DHTKD1: variants seen among roughly 807,000 people sequenced by gnomAD.
DHTKD1 encodes 2-oxoadipate dehydrogenase complex component E1.
Under a neutral mutation model 101.8 loss-of-function variants are expected in DHTKD1, and 78 were observed. That is an observed-to-expected ratio of 0.77 (90% CI 0.64 to 0.93). DHTKD1 has a LOEUF of 0.93. Ranked by LOEUF, DHTKD1 falls within the 40% of genes least tolerant of loss-of-function variation. The probability of loss-of-function intolerance (pLI) is 0.00; values close to 1 mark genes in which losing one functional copy is unlikely to be tolerated. For missense variants in DHTKD1, 1,223 were observed against 1,161.7 expected (o/e 1.05, Z -0.77); for synonymous variants, 462 against 450.3 (o/e 1.03, Z -0.33).
intron 1 of DHTKD1, among the ~76,000 whole-genome samples, chr10:12,074,840 C>T (rs184807552): frequency 2.0e-4 from 30 of 152,102 alleles, no homozygotes; most frequent in Middle Eastern, 3.4e-3. Flanking sequence ...CAGGGCAATC[C>T]CCATTCCCAT....
At chr10:12,117,304 C>CTTTTTTT (rs71382683) in intron 13 of DHTKD1, among the ~76,000 whole-genome samples, 1 of 71,574 alleles carries the variant, frequency 1.4e-5, no homozygotes, top group Non-Finnish European at 2.6e-5. Context: ...GCCACGGCAC[C>CTTTTTTT]TTTTTTTTTT....
At chr10:12,100,029 C>A (rs1157046940) in intron 8 of DHTKD1, 149 bp from the exon 9 acceptor site, 3 of 485,340 alleles carry the variant, frequency 6.2e-6, no homozygotes, top group Non-Finnish European at 1.1e-5. Context: ...CTCCTTACCT[C>A]AAGTGATCCA....
At chr10:12,095,309 A>G (rs990775600) in intron 7 of DHTKD1, among the ~76,000 whole-genome samples, 6 of 152,364 alleles carry the variant, frequency 3.9e-5, no homozygotes, top group African/African-American at 1.4e-4. Context: ...TGTAAAATAT[A>G]AACCCAAAAT....
At chr10:12,082,633 C>T (rs866106392) in intron 2 of DHTKD1, among the ~76,000 whole-genome samples, 15 of 144,928 alleles carry the variant, frequency 1.0e-4, no homozygotes, top group African/African-American at 1.8e-4. Context: ...TTTTTTGAGA[C>T]GGGCCTCCAA....
chr10:12,099,812 T>C (rs1254512619), intron 8 of DHTKD1, among the ~76,000 whole-genome samples: 1 of 104,844 alleles, frequency 9.5e-6, no homozygotes, highest in African/African-American at 3.0e-5. Flanking sequence ...TTTTTTTTTT[T>C]TTGAGATCAA....
At chr10:12,072,657 C>A (rs1832668917) in intron 1 of DHTKD1, among the ~76,000 whole-genome samples, 1 of 151,656 alleles carries the variant, frequency 6.6e-6, no homozygotes, top group African/African-American at 2.4e-5. Flanking sequence ...CCTTGATTTC[C>A]AAGGAAACTT....
rs1833315980 is a variant in DHTKD1 at position 12,110,649 on chromosome 10, G to A, written c.2155-2251G>A. The stretch of plus-strand genomic sequence containing the variant: ...TCACATACTCACCATTTTTGGGGAA[G>A]AGAACATTTAAAATCTATCCTCTTA... On this transcript the variant is annotated intron_variant, in intron 12 of 16. Coordinates refer to ENST00000263035, the MANE Select transcript of DHTKD1 (RefSeq NM_018706.7). This position sits in a 1 kb window ranked among gnomAD's most constrained non-coding sequence, Gnocchi z 4.9. Among the ~76,000 whole-genome samples, 1 of 152,118 alleles carries A rather than the reference G, an allele frequency of 6.6e-6. No homozygotes were observed. The highest frequency in any genetic ancestry group is 6.6e-5 in the Admixed American group (1 of 15,242).
Position 12,110,452 on chromosome 10 carries a change from A to G in DHTKD1, c.2154+2437A>G, listed in dbSNP as rs1833313733. 6.6e-6 allele frequency among the ~76,000 whole-genome samples: 1 copy of G among 152,170 alleles called. No homozygotes were observed. The highest frequency in any genetic ancestry group is 1.5e-5 in the Non-Finnish European group (1 of 68,034). The stretch of plus-strand genomic sequence containing the variant: ...TCTTCCGGTGTGGCTCAGGTAAGCC[A>G]AAAGATCGGACACCCCTGATTCCTG... On this transcript the variant is annotated intron_variant, in intron 12 of 16. Transcript: ENST00000263035. This position sits in a 1 kb window ranked among gnomAD's most constrained non-coding sequence, Gnocchi z 4.9.
chr10:12,120,084 C>A, intron 15 of DHTKD1, 98 bp from the exon 16 acceptor site: 1 of 877,092 alleles, frequency 1.1e-6, no homozygotes, highest in Non-Finnish European at 1.9e-6. Context: ...TTCACACCAT[C>A]GTAAAGTTGA....
At chr10:12,111,456 G>A (rs1460978520) in intron 12 of DHTKD1, among the ~76,000 whole-genome samples, 1 of 152,246 alleles carries the variant, frequency 6.6e-6, no homozygotes, top group Non-Finnish European at 1.5e-5. Context: ...ATGGGCCACC[G>A]CGCCAGGCCT....
chr10:12,117,292 G>A (rs1397325321), intron 13 of DHTKD1, among the ~76,000 whole-genome samples: 1 of 143,000 alleles, frequency 7.0e-6, no homozygotes, highest in Non-Finnish European at 1.5e-5. Context: ...TTACAGGCAT[G>A]AGCCACGGCA....
Position 12,081,570 on chromosome 10 carries a change from A to G in DHTKD1, c.253A>G (p.Asn85Asp), listed in dbSNP as rs1314308318. 6.2e-7 allele frequency: 1 copy of G among 1,614,148 alleles called. No individual in the cohort carries two copies. Among genetic ancestry groups the G allele is most frequent in the African/African-American group, 1.3e-5 (1 of 75,040 alleles). The change falls in exon 2 of 17, where the codon AAT becomes GAT. Residue 85 changes from asparagine (N) to aspartate (D), a missense_variant. Physicochemically the swap from Asn to Asp is conservative, Grantham distance 23. Transcript: ENST00000263035. ...PLFTGQALLENVPEIQALVQT... is the reference protein window; with the variant it reads ...PLFTGQALLEDVPEIQALVQT... ...CTTCACCGGACAAGCCCTGCTGGAG[A>G]ATGTGCCTGAAATCCAAGCCCTGGT...
At chr10:12,080,299 CAAAAAAAA>C (rs11359134) in intron 1 of DHTKD1, among the ~76,000 whole-genome samples, 1 of 87,688 alleles carries the variant, frequency 1.1e-5, no homozygotes, top group Non-Finnish European at 2.2e-5. Flanking sequence ...GACTCCGTCT[CAAAAAAAA>C]AAAAAAAAAA....
chr10:12,090,944 C>T (rs1832980957), intron 5 of DHTKD1, among the ~76,000 whole-genome samples: 1 of 152,140 alleles, frequency 6.6e-6, no homozygotes, highest in Non-Finnish European at 1.5e-5. Flanking sequence ...GTCCCAGCTA[C>T]TCGGGAGGCT....
Position 12,118,792 on chromosome 10 carries a change from C to G in DHTKD1, c.2446C>G (p.Leu816Val), listed in dbSNP as rs1310720857. The G allele has an allele frequency of 6.2e-7, 1 of 1,606,478 alleles. No individual in the cohort carries two copies. The highest frequency in any genetic ancestry group is 8.5e-7 in the Non-Finnish European group (1 of 1,177,032). Residue 816 changes from leucine to valine, a missense_variant, in exon 15 of 17, where the codon CTG becomes GTG. Coordinates refer to ENST00000263035, the MANE Select transcript of DHTKD1 (RefSeq NM_018706.7). Reference protein sequence around the residue: ...VFCSGKHFYSLVKQRESLGAK... With the variant: ...VFCSGKHFYSVVKQRESLGAK... ...CTGCTCCGGCAAACATTTCTACTCC[C>G]TGGTGAAACAAAGAGAATCTCTGGG...
chr10:12,110,426 T>G lies in DHTKD1; in HGVS notation c.2154+2411T>G, dbSNP rs904227512. ...TATGTGTGGCACAAGACAATTCTTC[T>G]TCTTCCGGTGTGGCTCAGGTAAGCC... On this transcript the variant is annotated intron_variant, in intron 12 of 16. Transcript: ENST00000263035. This position sits in a 1 kb window ranked among gnomAD's most constrained non-coding sequence, Gnocchi z 4.9. Among the ~76,000 whole-genome samples, 2 of 126,400 alleles carry G rather than the reference T, an allele frequency of 1.6e-5. No homozygotes were observed. The highest frequency in any genetic ancestry group is 2.6e-5 in the African/African-American group (1 of 39,082). 82.9% of individuals were successfully genotyped at this position (126,400 alleles called of 152,430 possible). A position where few individuals can be genotyped will look rare whatever the true frequency, so the allele number is the denominator to read the frequency against.
At chr10:12,112,755 C>T (rs1203704378) in intron 12 of DHTKD1, 145 bp from the exon 13 acceptor site, 3 of 751,822 alleles carry the variant, frequency 4.0e-6, no homozygotes, top group African/African-American at 1.8e-5. Flanking sequence ...ATAAATTCAC[C>T]TGCTGATATT....
intron 1 of DHTKD1, among the ~76,000 whole-genome samples, chr10:12,073,638 C>G (rs918182641): frequency 6.6e-6 from 1 of 152,166 alleles, no homozygotes; most frequent in Non-Finnish European, 1.5e-5. Flanking sequence ...TAGCTTTTTT[C>G]TCATAAGCTA....
chr10:12,071,696 G>T (rs1386714848), intron 1 of DHTKD1, among the ~76,000 whole-genome samples: 1 of 152,112 alleles, frequency 6.6e-6, no homozygotes, highest in Non-Finnish European at 1.5e-5. Context: ...GGGAGGCCGA[G>T]ACAGACAGAT....
Sources: allele counts gnomAD v4.1 joint callset (sites outside exome capture counted in the v4.1 genomes callset), GRCh38; gene constraint gnomAD v4.1.1; non-coding constraint Gnocchi (gnomAD v3.1); transcripts MANE v1.5; gene names NCBI Gene and HGNC (gene_info 2026-07-23, HGNC 2026-07-21).